COL20A1: variants seen among roughly 807,000 people sequenced by gnomAD.
The protein encoded by COL20A1 is collagen type XX alpha 1 chain.
COL20A1 carries 164 observed loss-of-function variants against 152.9 expected under a neutral mutation model. The observed-to-expected ratio is 1.07, with a 90% CI of 0.94 to 1.22. The LOEUF is 1.22. Ranked by LOEUF, COL20A1 falls within the 50% of genes most tolerant of loss-of-function variation. COL20A1 has a pLI of 0.00. For missense variants in COL20A1, 1,873 were observed against 1,744.8 expected (o/e 1.07, Z -1.31); for synonymous variants, 864 against 756.0 (o/e 1.14, Z -2.34).
rs1234515663 is a variant in COL20A1 at position 63,311,507 on chromosome 20, G to A, written c.1507G>A (p.Ala503Thr). 1 of 1,587,522 alleles carries A rather than the reference G, an allele frequency of 6.3e-7. No individual in the cohort carries two copies. The highest frequency in any genetic ancestry group is 8.6e-7 in the Non-Finnish European group (1 of 1,167,468). Reference sequence around the variant, plus strand: ...CCACTACCTGGTGCGATGTTCTCCTGCTTCCCCCAAGGGTGAAGAGGAGGA... The same window carrying A: ...CCACTACCTGGTGCGATGTTCTCCTACTTCCCCCAAGGGTGAAGAGGAGGA... The part of the protein sequence containing the change: ...ATHYLVRCSP[A>T]SPKGEEEERE... The change falls in exon 12 of 36, where the codon GCT becomes ACT. Residue 503 changes from alanine to threonine, a missense_variant. By Grantham distance (58) the Ala-to-Thr change is moderately conservative. Coordinates refer to ENST00000358894, the MANE Select transcript of COL20A1 (RefSeq NM_020882.4). The surrounding 1 kb of genome is among the most constrained non-coding windows in gnomAD (Gnocchi z 4.4).
chr20:63,320,817 G>A (rs189200012), intron 25 of COL20A1, among the ~76,000 whole-genome samples, 196 bp from the exon 26 acceptor site: 148 of 152,226 alleles, frequency 9.7e-4, no homozygotes, highest in African/African-American at 3.5e-3. Context: ...GGGCCGGCTG[G>A]ACACACAGGG....
chr20:63,330,545 TC>T (rs2068319330), intron 35 of COL20A1, among the ~76,000 whole-genome samples, 174 bp from the exon 36 acceptor site: 1 of 152,038 alleles, frequency 6.6e-6, no homozygotes, highest in Non-Finnish European at 1.5e-5. Flanking sequence ...CTGCCCGCAA[TC>T]CTGCCCACTT....
intron 34 of COL20A1, 125 bp from the exon 35 acceptor site, chr20:63,329,459 TC>T (rs145499640): frequency 0.014 from 9,593 of 702,166 alleles, 570 homozygotes; most frequent in African/African-American, 0.14. Flanking sequence ...GATCTCAGAC[TC>T]CCATCTAAGG....
At chr20:63,300,942 T>A (rs531245366) in intron 3 of COL20A1, among the ~76,000 whole-genome samples, 4 of 152,364 alleles carry the variant, frequency 2.6e-5, no homozygotes, top group Non-Finnish European at 5.9e-5. Context: ...TGGGGGATTT[T>A]CTACTTATTT....
intron 9 of COL20A1, 39 bp downstream of exon 9, chr20:63,309,536 CG>C: frequency 6.9e-7 from 1 of 1,454,212 alleles, no homozygotes; most frequent in Non-Finnish European, 9.1e-7. Flanking sequence ...GCAGCCCCCC[CG>C]GCTGCTTTGG....
chr20:63,318,799 A>G (rs1240285993), intron 21 of COL20A1, among the ~76,000 whole-genome samples: 1 of 152,116 alleles, frequency 6.6e-6, no homozygotes, highest in Non-Finnish European at 1.5e-5. Flanking sequence ...ACTCATGGGG[A>G]AACCAAGGCA....
At position 63,305,388 on chromosome 20, in the gene COL20A1, C is replaced by T. The variant is rs769511290; in HGVS notation, c.194-29C>T. 5.5e-6 allele frequency: 8 copies of T among 1,461,980 alleles called. No individual in the cohort carries two copies. The highest frequency in any genetic ancestry group is 6.3e-6 in the Non-Finnish European group (7 of 1,108,366). The allele number at this position is 1,461,980 out of a possible 1,614,324, so 90.6% of individuals were successfully genotyped here. ...AGATGCACACACGTGTGCACCTTGG[C>T]CTCTAAAGCTCTCCCCACCCCTACC... is the stretch of plus-strand genomic sequence containing the variant. On this transcript the variant is annotated intron_variant, in intron 3 of 35. Transcript: ENST00000358894. This position sits in a 1 kb window ranked among gnomAD's most constrained non-coding sequence, Gnocchi z 4.9.
chr20:63,297,964 G>GGA lies in COL20A1; in HGVS notation c.143_144dup (p.Glu50ArgfsTer12), dbSNP rs781011935. 1 of 1,613,192 alleles carries GGA rather than the reference G, an allele frequency of 6.2e-7. No individual in the cohort carries two copies. The highest frequency in any genetic ancestry group is 1.7e-5 in the Admixed American group (1 of 60,022). On this transcript the variant is annotated frameshift_variant, in exon 3 of 36. Coordinates refer to ENST00000358894, the MANE Select transcript of COL20A1 (RefSeq NM_020882.4). LOFTEE classifies it high-confidence loss of function. ...CCTGAGGACCGGCTGCAGATGAAGT[G>GGA]GAGAGAGTCGGAGGGGAGCGGCCTC...
chr20:63,314,306 A>G, intron 19 of COL20A1, 105 bp downstream of exon 19: 1 of 1,002,612 alleles, frequency 1.0e-6, no homozygotes, highest in South Asian at 1.6e-5. Flanking sequence ...GACCCAGCCA[A>G]CCCCAGACCT....
chr20:63,296,183 C>T (rs575881349), intron 2 of COL20A1, among the ~76,000 whole-genome samples: 43 of 152,386 alleles, frequency 2.8e-4, no homozygotes, highest in East Asian at 1.4e-3. Context: ...AGGCAACAGA[C>T]CATTGCATGA....
chr20:63,322,065 C>G lies in COL20A1; in HGVS notation c.3248C>G (p.Pro1083Arg). 1.3e-6 allele frequency: 2 copies of G among 1,508,146 alleles called. No individual in the cohort carries two copies. Among genetic ancestry groups the G allele is most frequent in the Non-Finnish European group, 1.8e-6 (2 of 1,132,046 alleles). The allele number at this position is 1,508,146 out of a possible 1,614,324, so 93.4% of individuals were successfully genotyped here. A position where few individuals can be genotyped will look rare whatever the true frequency, so the allele number is the denominator to read the frequency against. ...PPGPQGPPGL[P>R]GRNGTPGEQG... ...CTGTTTGTGCCTCTGCAGGGCCTCCCTGGGAGGAATGGCACCCCAGGAGAG... is the reference window on the plus strand; with the variant it reads ...CTGTTTGTGCCTCTGCAGGGCCTCCGTGGGAGGAATGGCACCCCAGGAGAG... The change falls in exon 27 of 36, where the codon CCT becomes CGT. Residue 1083 changes from proline to arginine, a missense_variant. Pro to Arg is a moderately radical substitution (Grantham distance 103). Coordinates refer to ENST00000358894, the MANE Select transcript of COL20A1 (RefSeq NM_020882.4).
At chr20:63,317,150 A>C (rs1173258601) in intron 21 of COL20A1, among the ~76,000 whole-genome samples, 1 of 152,014 alleles carries the variant, frequency 6.6e-6, no homozygotes, top group African/African-American at 2.4e-5. Flanking sequence ...CTGAACTGTG[A>C]TATAAGCTGC....
Position 63,305,291 on chromosome 20 carries a change from GTC to G in COL20A1, c.194-120_194-119del. On this transcript the variant is annotated intron_variant, in intron 3 of 35. Transcript: ENST00000358894. This position sits in a 1 kb window ranked among gnomAD's most constrained non-coding sequence, Gnocchi z 4.9. ...CTTCCATCAGACCCTCTCCCTTTCT[GTC>G]TCTCTGGCTTCAAGGGGAGCAGCTG... is the stretch of plus-strand genomic sequence containing the variant. The G allele has an allele frequency of 1.4e-6, 1 of 699,850 alleles. No homozygotes were observed. Among genetic ancestry groups the G allele is most frequent in the Non-Finnish European group, 2.2e-6 (1 of 465,088 alleles). The allele number at this position is 699,850 out of a possible 1,614,324, so 43.4% of individuals were successfully genotyped here. A position where few individuals can be genotyped will look rare whatever the true frequency, so the allele number is the denominator to read the frequency against.
chr20:63,313,890 C>T lies in COL20A1; in HGVS notation c.2357C>T (p.Ser786Phe), dbSNP rs1028545142. ...GCCTCTGGCTTGGGACCCGAGAAAT[C>T]CGTGAGTCTTGGTAGAGCCTGAGGC... ...APASGLGPEK[S>F]VSVPGARSHV... is the part of the protein sequence containing the mutation. Residue 786 changes from serine to phenylalanine, a missense_variant and splice_region_variant, in exon 18 of 36, where the codon TCC (serine) becomes TTC (phenylalanine). Physicochemically the swap from Ser to Phe is radical, Grantham distance 155. Transcript: ENST00000358894. The surrounding 1 kb of genome is among the most constrained non-coding windows in gnomAD (Gnocchi z 5.9). 2.0e-5 allele frequency: 32 copies of T among 1,600,180 alleles called. No individual in the cohort carries two copies. Among genetic ancestry groups the T allele is most frequent in the Non-Finnish European group, 2.6e-5 (30 of 1,173,916 alleles).
chr20:63,326,202 A>G, intron 30 of COL20A1, 53 bp downstream of exon 30: 2 of 1,465,482 alleles, frequency 1.4e-6, no homozygotes, highest in South Asian at 1.1e-5. Flanking sequence ...CCTGTGTTCC[A>G]GGGGTCAGGC....
chr20:63,314,265 AC>A, intron 19 of COL20A1, 64 bp downstream of exon 19: 1 of 1,436,762 alleles, frequency 7.0e-7, no homozygotes. Flanking sequence ...TAGACCCCAG[AC>A]CCTGCCAGCT....
At chr20:63,295,471 G>A (rs4809525) in intron 2 of COL20A1, among the ~76,000 whole-genome samples, 9,110 of 152,294 alleles carry the variant, frequency 0.06, 337 homozygotes, top group Middle Eastern at 0.11. Context: ...GCAGTCTCTA[G>A]GAAGCAGGAG....
At position 63,308,094 on chromosome 20, in the gene COL20A1, C is replaced by T. The variant is rs746935226; in HGVS notation, c.775+4C>T. On this transcript the variant is annotated splice_donor_region_variant and intron_variant, in intron 7 of 35. Transcript: ENST00000358894. Reference sequence around the variant, plus strand: ...AAGGGGGGGAACACGTTCACAGGTACGGCCCAGGCCTGCCCCTCCCTCTGT... The same window carrying T: ...AAGGGGGGGAACACGTTCACAGGTATGGCCCAGGCCTGCCCCTCCCTCTGT... 4.4e-6 allele frequency: 7 copies of T among 1,600,936 alleles called. No individual in the cohort carries two copies. Among genetic ancestry groups the T allele is most frequent in the East Asian group, 4.5e-5 (2 of 44,852 alleles).
In COL20A1 at chr20:63,312,807, C is replaced by A. The variant is rs1451645937; in HGVS notation, c.1949C>A (p.Pro650Gln). 4 of 1,552,120 alleles carry A rather than the reference C, an allele frequency of 2.6e-6. No individual in the cohort carries two copies. Among genetic ancestry groups the A allele is most frequent in the South Asian group, 2.4e-5 (2 of 84,606 alleles). The change falls in exon 16 of 36, where the codon CCA (proline) becomes CAA (glutamine). Residue 650 changes from proline (P) to glutamine (Q), a missense_variant. Transcript: ENST00000358894. ...CTTCCTTCAGAGAAAGCTCCCAGCC[C>A]AAGCCAGCTGTCCATGACGGAGCTG... ...GRVTTKKAPS[P>Q]SQLSMTELPG...
Sources: gnomAD v4.1 joint callset for allele counts (sites outside exome capture counted in the v4.1 genomes callset) on GRCh38, gnomAD v4.1.1 for gene constraint, Gnocchi (gnomAD v3.1) non-coding constraint, MANE v1.5 for transcripts, NCBI Gene and HGNC (gene_info 2026-07-23, HGNC 2026-07-21) for gene names.